WAPL: variants seen among roughly 807,000 people sequenced by gnomAD.
WAPL encodes wings apart-like protein homolog.
In WAPL, 5 loss-of-function variants were observed where a neutral mutation model predicts 121.0. The observed-to-expected ratio is 0.04, with a 90% CI of 0.02 to 0.09. The LOEUF is 0.09. WAPL is among the 10% of genes least tolerant of loss of function. The pLI, the probability that WAPL is intolerant of heterozygous loss-of-function variation, is 1.00. For missense variants in WAPL, 999 were observed against 1,410.8 expected, an observed-to-expected ratio of 0.71 and a Z score of 4.68; for synonymous variants, 480 against 481.5, an observed-to-expected ratio of 1.00 and a Z score of 0.04.
Position 86,521,572 on chromosome 10 carries a change from C to G in WAPL, c.-230G>C. 2.4e-6 allele frequency: 1 copy of G among 410,918 alleles called. No homozygotes were observed. Among genetic ancestry groups the G allele is most frequent in the South Asian group, 1.8e-5 (1 of 56,520 alleles). 25.5% of individuals were successfully genotyped at this position (410,918 alleles called of 1,614,324 possible). The stretch of plus-strand genomic sequence containing the variant: ...CCGCAACTTCCCTCCCCGCCTCGAG[C>G]GCCGCCGGCCGGGCCCAGGCCTAGC... On this transcript the variant is annotated 5_prime_UTR_variant, in exon 1 of 19. Coordinates refer to ENST00000298767, the MANE Select transcript of WAPL (RefSeq NM_015045.5).
In WAPL at chr10:86,453,182, A is replaced by T. The variant is rs760916213; in HGVS notation, c.2949+38T>A. The T allele has an allele frequency of 1.4e-5, 22 of 1,594,214 alleles. No individual in the cohort carries two copies. In the African/African-American group the frequency reaches 2.7e-4, roughly 19 times the overall value. On this transcript the variant is annotated intron_variant, in intron 14 of 18. Coordinates refer to ENST00000298767, the MANE Select transcript of WAPL (RefSeq NM_015045.5). ...GTTAACATTTTGCACACCTTATTAG[A>T]TATGATACTCATTTCTGAAAAAGTC... is the stretch of plus-strand genomic sequence containing the variant.
At chr10:86,490,343 A>G (rs552702178) in intron 4 of WAPL, among the ~76,000 whole-genome samples, 1 of 152,294 alleles carries the variant, frequency 6.6e-6, no homozygotes, top group South Asian at 2.1e-4. Context: ...ATCACTTTGC[A>G]TCCATCAACA....
Position 86,452,095 on chromosome 10 carries a change from C to G in WAPL, c.2986G>C (p.Ala996Pro). ...GLLINLVEYSARNRHCLVNME... is the reference protein window; with the variant it reads ...GLLINLVEYSPRNRHCLVNME... ...TTGACAAGACAGTGCCGATTCCGAG[C>G]ACTATACTCCACTAGATTTATCAGC... The change falls in exon 15 of 19, where the codon GCT becomes CCT. Residue 996 changes from alanine to proline, a missense_variant. Ala to Pro is a conservative substitution (Grantham distance 27). Transcript: ENST00000298767. 1 of 1,614,006 alleles carries G rather than the reference C, an allele frequency of 6.2e-7. No homozygotes were observed. The highest frequency in any genetic ancestry group is 1.6e-4 in the Middle Eastern group (1 of 6,062).
intron 4 of WAPL, among the ~76,000 whole-genome samples, chr10:86,492,155 G>A (rs1320378880): frequency 6.6e-6 from 1 of 150,772 alleles, no homozygotes; most frequent in Non-Finnish European, 1.5e-5. Context: ...TTAGCATAAT[G>A]TCAGTAAGTA....
Position 86,472,900 on chromosome 10 carries a change from A to G in WAPL, c.1741-136T>C. 2.3e-6 allele frequency: 2 copies of G among 857,614 alleles called. No individual in the cohort carries two copies. Among genetic ancestry groups the G allele is most frequent in the South Asian group, 4.3e-5 (2 of 46,192 alleles). 53.1% of individuals were successfully genotyped at this position (857,614 alleles called of 1,614,324 possible). On this transcript the variant is annotated intron_variant, in intron 5 of 18. Transcript: ENST00000298767. The surrounding 1 kb of genome is among the most constrained non-coding windows in gnomAD (Gnocchi z 4.2). Reference sequence around the variant, plus strand: ...AAGCAGGGAGCAGGGAGGCCTCTCAAAGGTCTTTAGAAATACTTTGAATTC... The same window carrying G: ...AAGCAGGGAGCAGGGAGGCCTCTCAGAGGTCTTTAGAAATACTTTGAATTC...
chr10:86,482,336 T>C (rs1000670652), intron 4 of WAPL, among the ~76,000 whole-genome samples: 4 of 152,234 alleles, frequency 2.6e-5, no homozygotes, highest in Admixed American at 1.3e-4. Flanking sequence ...AGATCACTTA[T>C]GTACACAGGC....
At chr10:86,454,579 G>C (rs189543991) in intron 12 of WAPL, among the ~76,000 whole-genome samples, 16 of 152,206 alleles carry the variant, frequency 1.1e-4, no homozygotes, top group African/African-American at 3.6e-4. Context: ...ATCTTGGCTC[G>C]CTACAACCTC....
chr10:86,493,887 C>T (rs1048505662), intron 4 of WAPL, among the ~76,000 whole-genome samples: 1 of 152,118 alleles, frequency 6.6e-6, no homozygotes, highest in African/African-American at 2.4e-5. Context: ...CCTGTAGTCC[C>T]AGCTACCCAG....
intron 2 of WAPL, 105 bp from the exon 3 acceptor site, chr10:86,500,848 A>G: frequency 1.1e-6 from 1 of 944,766 alleles, no homozygotes; most frequent in Non-Finnish European, 1.5e-6. Context: ...TCTTGGAAGA[A>G]CTGCAAATAA....
At chr10:86,498,074 T>C (rs547774784) in intron 3 of WAPL, among the ~76,000 whole-genome samples, 3 of 152,252 alleles carry the variant, frequency 2.0e-5, no homozygotes, top group Non-Finnish European at 4.4e-5. Context: ...TTTTCAAATG[T>C]TATTTAGCAT....
At chr10:86,446,738 A>C (rs548061421) in intron 15 of WAPL, among the ~76,000 whole-genome samples, 1 of 152,354 alleles carries the variant, frequency 6.6e-6, no homozygotes, top group East Asian at 1.9e-4. Context: ...AAAAAAATAC[A>C]AAATTGGAAA....
At chr10:86,517,527 G>A in intron 2 of WAPL, 44 bp downstream of exon 2, 1 of 1,540,588 alleles carries the variant, frequency 6.5e-7, no homozygotes, top group East Asian at 2.3e-5. Flanking sequence ...TAAATTGGTT[G>A]CACAAAGCTC....
intron 15 of WAPL, among the ~76,000 whole-genome samples, chr10:86,449,708 G>A (rs973713414): frequency 1.4e-4 from 22 of 152,134 alleles, no homozygotes; most frequent in African/African-American, 2.2e-4. Context: ...CTCCTGAGGC[G>A]ACTGACGGTA....
intron 9 of WAPL, among the ~76,000 whole-genome samples, chr10:86,462,190 C>T (rs1364798744): frequency 6.6e-6 from 1 of 152,172 alleles, no homozygotes; most frequent in Non-Finnish European, 1.5e-5. Flanking sequence ...CAATAAAGAA[C>T]TTCAGCATAA....
intron 12 of WAPL, among the ~76,000 whole-genome samples, chr10:86,456,362 G>A (rs1478235840): frequency 6.8e-6 from 1 of 148,112 alleles, no homozygotes; most frequent in East Asian, 2.0e-4. Context: ...TATTTGTAAG[G>A]TAAAGGACAA....
Position 86,472,576 on chromosome 10 carries a change from A to G in WAPL, c.1893+36T>C, listed in dbSNP as rs377079015. On this transcript the variant is annotated intron_variant, in intron 6 of 18. Transcript: ENST00000298767. The surrounding 1 kb of genome is among the most constrained non-coding windows in gnomAD (Gnocchi z 4.2). Reference sequence around the variant, plus strand: ...GGCTAAATGTTACATACAAAAATCTATCAACATGCAGTAAACACTGTATAT... The same window carrying G: ...GGCTAAATGTTACATACAAAAATCTGTCAACATGCAGTAAACACTGTATAT... 5.0e-4 allele frequency: 794 copies of G among 1,595,624 alleles called. No individual in the cohort carries two copies. The highest frequency in any genetic ancestry group is 6.5e-4 in the Non-Finnish European group (756 of 1,172,012).
At chr10:86,508,908 A>C (rs899547694) in intron 2 of WAPL, among the ~76,000 whole-genome samples, 6 of 151,846 alleles carry the variant, frequency 4.0e-5, no homozygotes, top group African/African-American at 1.5e-4. Flanking sequence ...GGCGCCCGCC[A>C]CCACGCCCGG....
At chr10:86,496,542 G>C in intron 4 of WAPL, among the ~76,000 whole-genome samples, 1 of 152,168 alleles carries the variant, frequency 6.6e-6, no homozygotes, top group African/African-American at 2.4e-5. Context: ...AACAATCCAA[G>C]TGTCCATCAA....
intron 4 of WAPL, among the ~76,000 whole-genome samples, chr10:86,478,143 A>T (rs1258817669): frequency 1.5e-5 from 2 of 129,648 alleles, no homozygotes; most frequent in African/African-American, 2.9e-5. Flanking sequence ...AAAAAAAAAA[A>T]TTGTGGCTAA....
Sources: gnomAD v4.1 joint callset for allele counts (sites outside exome capture counted in the v4.1 genomes callset) on GRCh38, gnomAD v4.1.1 for gene constraint, Gnocchi (gnomAD v3.1) non-coding constraint, MANE v1.5 for transcripts, NCBI Gene and HGNC (gene_info 2026-07-23, HGNC 2026-07-21) for gene names.